Variants in SLC24A3 observed in about 807,000 individuals in gnomAD.
The protein encoded by SLC24A3 is sodium/potassium/calcium exchanger 3.
In SLC24A3, 28 loss-of-function variants were observed where a neutral mutation model predicts 75.8. The observed-to-expected ratio is 0.37, with a 90% CI of 0.27 to 0.51. SLC24A3 has a LOEUF of 0.51. SLC24A3 is among the 20% of genes least tolerant of loss of function. The probability of loss-of-function intolerance (pLI) is 0.94; values close to 1 mark genes in which losing one functional copy is unlikely to be tolerated. For missense variants in SLC24A3, 663 were observed against 847.8 expected (o/e 0.78, Z 2.71); for synonymous variants, 372 against 334.1 (o/e 1.11, Z -1.24).
At chr20:19,681,418 T>G (rs2032614603) in intron 9 of SLC24A3, among the ~76,000 whole-genome samples, 1 of 152,172 alleles carries the variant, frequency 6.6e-6, no homozygotes, top group Non-Finnish European at 1.5e-5. Flanking sequence ...GTGGTGTGGA[T>G]GAAGCAGCTT....
chr20:19,409,831 A>G (rs1158656056), intron 2 of SLC24A3, among the ~76,000 whole-genome samples: 1 of 145,018 alleles, frequency 6.9e-6, no homozygotes, highest in African/African-American at 2.7e-5. Context: ...AATATATATA[A>G]TATGTGTGTG....
chr20:19,434,748 C>CT lies in SLC24A3; in HGVS notation c.272-80727dup, dbSNP rs898507946. ...CAGATGGGAACTTAGAGATAGGATG[C>CT]TTTTTTTTTTTTTCTGGAAAGAAAT... On this transcript the variant is annotated intron_variant, in intron 2 of 16. Transcript: ENST00000328041. 6.4e-3 allele frequency among the ~76,000 whole-genome samples: 899 copies of CT among 141,132 alleles called. 2 individuals carry two copies. The highest frequency in any genetic ancestry group is 0.025 in the East Asian group (121 of 4,876). The allele number at this position is 141,132 out of a possible 152,430, so 92.6% of individuals were successfully genotyped here.
chr20:19,556,852 C>A (rs970492582), intron 3 of SLC24A3, among the ~76,000 whole-genome samples: 3 of 152,292 alleles, frequency 2.0e-5, no homozygotes, highest in African/African-American at 7.2e-5. Context: ...GGTCTGCAGA[C>A]GGCTTGTGGA....
intron 16 of SLC24A3, among the ~76,000 whole-genome samples, chr20:19,718,027 C>T (rs1270301905): frequency 1.3e-5 from 2 of 152,192 alleles, no homozygotes; most frequent in Non-Finnish European, 2.9e-5. Flanking sequence ...CGCCCACTTG[C>T]GTACTTTAAT....
At chr20:19,282,220 C>G (rs1429620586) in intron 2 of SLC24A3, among the ~76,000 whole-genome samples, 1 of 152,162 alleles carries the variant, frequency 6.6e-6, no homozygotes, top group Admixed American at 6.5e-5. Context: ...TACTTAGACT[C>G]TTAACAATCA....
chr20:19,689,809 T>A (rs988825586), intron 12 of SLC24A3, among the ~76,000 whole-genome samples: 15 of 152,178 alleles, frequency 9.9e-5, no homozygotes, highest in African/African-American at 3.6e-4. Flanking sequence ...AGGATGCGGA[T>A]CACCTGAGTT....
intron 12 of SLC24A3, among the ~76,000 whole-genome samples, chr20:19,687,780 T>C (rs1203042947): frequency 6.6e-6 from 1 of 152,150 alleles, no homozygotes; most frequent in Non-Finnish European, 1.5e-5. Context: ...CGTATTTCTC[T>C]CCTGGATGAG....
chr20:19,687,888 G>T (rs946970150), intron 12 of SLC24A3, among the ~76,000 whole-genome samples: 2 of 152,120 alleles, frequency 1.3e-5, no homozygotes, highest in Admixed American at 6.6e-5. Flanking sequence ...AGACCTTCCA[G>T]CCACACCTTC....
chr20:19,526,498 G>A (rs1308727536), intron 3 of SLC24A3, among the ~76,000 whole-genome samples: 1 of 152,150 alleles, frequency 6.6e-6, no homozygotes, highest in African/African-American at 2.4e-5. Flanking sequence ...TCAGGCTATG[G>A]TCACTTCTTG....
chr20:19,388,194 T>G (rs1986304772), intron 2 of SLC24A3, among the ~76,000 whole-genome samples: 1 of 152,204 alleles, frequency 6.6e-6, no homozygotes, highest in South Asian at 2.1e-4. Context: ...TCTTCTTTAT[T>G]TTTTCTAACT....
In SLC24A3 at chr20:19,693,322, C is replaced by G. The variant is rs2032768577; in HGVS notation, c.1388C>G (p.Thr463Ser). The G allele has an allele frequency of 6.2e-7, 1 of 1,614,086 alleles. No individual in the cohort carries two copies. ...TWPLSFVLYF[T>S]VPNCNKPRWE... ...CCGCTGAGTTTCGTCTTATACTTCA[C>G]TGTACCCAACTGCAACAAGCCGCGC... The change falls in exon 13 of 17, where the codon ACT (threonine) becomes AGT (serine). Residue 463 changes from threonine to serine, a missense_variant. By Grantham distance (58) the Thr-to-Ser change is moderately conservative. This residue lies in a region of SLC24A3 where 510 missense variants were observed against 703.6 expected (regional missense o/e 0.72). Coordinates refer to ENST00000328041, the MANE Select transcript of SLC24A3 (RefSeq NM_020689.4).
chr20:19,664,110 G>C (rs976138666), intron 7 of SLC24A3, among the ~76,000 whole-genome samples: 4 of 152,102 alleles, frequency 2.6e-5, no homozygotes, highest in African/African-American at 9.7e-5. Context: ...TCTCTTAAGT[G>C]GCTACAAATT....
intron 3 of SLC24A3, among the ~76,000 whole-genome samples, chr20:19,534,986 A>G (rs1484148825): frequency 6.6e-6 from 1 of 152,214 alleles, no homozygotes; most frequent in African/African-American, 2.4e-5. Flanking sequence ...CAAACTTTAA[A>G]TATGCTAATT....
At chr20:19,600,835 T>C (rs2031518425) in intron 6 of SLC24A3, among the ~76,000 whole-genome samples, 1 of 152,124 alleles carries the variant, frequency 6.6e-6, no homozygotes, top group Non-Finnish European at 1.5e-5. Context: ...ATTTTTAAAA[T>C]GTTTTTGTAG....
intron 15 of SLC24A3, 29 bp from the exon 16 acceptor site, chr20:19,717,499 A>G: frequency 6.2e-7 from 1 of 1,612,390 alleles, no homozygotes; most frequent in Non-Finnish European, 8.5e-7. Context: ...CTAGCTTGTC[A>G]GAAGCCTAAC....
chr20:19,371,093 G>A (rs1324424698), intron 2 of SLC24A3, among the ~76,000 whole-genome samples: 1 of 152,118 alleles, frequency 6.6e-6, no homozygotes, highest in Non-Finnish European at 1.5e-5. Flanking sequence ...CATCCCTCTG[G>A]GAGGTGAATG....
chr20:19,372,456 G>A (rs1309976209), intron 2 of SLC24A3, among the ~76,000 whole-genome samples: 1 of 152,176 alleles, frequency 6.6e-6, no homozygotes, highest in African/African-American at 2.4e-5. Context: ...GCAGGACAAA[G>A]AGCAAATTGA....
intron 1 of SLC24A3, among the ~76,000 whole-genome samples, chr20:19,270,041 T>C (rs1289911149): frequency 6.6e-6 from 1 of 152,194 alleles, no homozygotes; most frequent in East Asian, 1.9e-4. Flanking sequence ...TTGGGGCTGC[T>C]CTGTCCAGCC....
chr20:19,284,441 A>G (rs1358632001), intron 2 of SLC24A3: 1 of 152,700 alleles, frequency 6.5e-6, no homozygotes, highest in Non-Finnish European at 1.5e-5. Flanking sequence ...GAGGCTAGGA[A>G]GTGAGCCCTG....
Sources: gnomAD v4.1 joint callset for allele counts (sites outside exome capture counted in the v4.1 genomes callset) on GRCh38, gnomAD v4.1.1 for gene constraint, gnomAD v4.1.1 regional missense constraint, MANE v1.5 for transcripts, NCBI Gene and HGNC (gene_info 2026-07-23, HGNC 2026-07-21) for gene names.